Variants in SKOR2 observed in about 807,000 individuals in gnomAD.
SKOR2 encodes SKI family transcriptional corepressor 2.
A neutral mutation model predicts 69.1 loss-of-function variants in SKOR2; 47 were observed. The observed-to-expected ratio is 0.68, with a 90% CI of 0.54 to 0.87. The LOEUF is 0.87. Ranked by LOEUF, SKOR2 falls within the 40% of genes least tolerant of loss-of-function variation. The probability of loss-of-function intolerance (pLI) is 0.00; values close to 1 mark genes in which losing one functional copy is unlikely to be tolerated. For missense variants in SKOR2, 1,404 were observed against 1,472.2 expected (o/e 0.95, Z 0.76); for synonymous variants, 717 against 672.6 (o/e 1.07, Z -1.02).
chr18:47,208,512 G>A (rs1033334840), intron 8 of SKOR2, among the ~76,000 whole-genome samples: 1 of 152,198 alleles, frequency 6.6e-6, no homozygotes, highest in African/African-American at 2.4e-5. Flanking sequence ...AAAGGTGTGG[G>A]TGTTTCAACC....
At position 47,248,609 on chromosome 18, in the gene SKOR2, C is replaced by T. The variant is rs2064296311; in HGVS notation, c.575G>A (p.Arg192His). The T allele has an allele frequency of 1.9e-6, 3 of 1,545,012 alleles. No homozygotes were observed. The highest frequency in any genetic ancestry group is 1.2e-5 in the South Asian group (1 of 84,614). Residue 192 changes from arginine to histidine, a missense_variant, in exon 2 of 9, where the codon CGC becomes CAC. Physicochemically the swap from Arg to His is conservative, Grantham distance 29 (BLOSUM62 0). This residue lies in a region of SKOR2 where 1,266 missense variants were observed against 1,309.9 expected (regional missense o/e 0.97). Transcript: ENST00000425639. The surrounding 1 kb of genome is among the most constrained non-coding windows in gnomAD (Gnocchi z 6.4). The part of the protein sequence containing the change: ...SPNKFIFHSH[R>H]TPDAKYTQPD... ...CTGAGTGTACTTGGCGTCGGGCGTG[C>T]GGTGGGAGTGGAAAATGAACTTGTT...
chr18:47,232,914 G>A (rs1325476229), intron 4 of SKOR2, among the ~76,000 whole-genome samples: 1 of 152,112 alleles, frequency 6.6e-6, no homozygotes, highest in African/African-American at 2.4e-5. Flanking sequence ...CTGCAAAGAG[G>A]GAAACAGAAT....
chr18:47,216,987 G>A (rs1215881088), intron 7 of SKOR2, among the ~76,000 whole-genome samples: 1 of 152,140 alleles, frequency 6.6e-6, no homozygotes, highest in African/African-American at 2.4e-5. Flanking sequence ...ATAATCTTTA[G>A]ATAGAATTTT....
At chr18:47,231,084 C>T (rs1026148447) in intron 4 of SKOR2, 84 bp from the exon 5 acceptor site, 20 of 1,535,188 alleles carry the variant, frequency 1.3e-5, no homozygotes, top group Non-Finnish European at 1.6e-5. Context: ...TTAATATCTG[C>T]AAAACAGTTT....
intron 7 of SKOR2, among the ~76,000 whole-genome samples, chr18:47,214,179 C>G (rs2064136703): frequency 6.6e-6 from 1 of 152,164 alleles, no homozygotes; most frequent in African/African-American, 2.4e-5. Flanking sequence ...GAGGAGTAAA[C>G]TGCTCAACCT....
At chr18:47,221,161 AT>A (rs961421269) in intron 6 of SKOR2, among the ~76,000 whole-genome samples, 6 of 152,050 alleles carry the variant, frequency 3.9e-5, no homozygotes, top group South Asian at 2.1e-4. Context: ...TGTTCTTTTT[AT>A]TTTTTTCAAC....
chr18:47,217,029 G>C (rs546002574), intron 7 of SKOR2, among the ~76,000 whole-genome samples: 1 of 152,278 alleles, frequency 6.6e-6, no homozygotes, highest in South Asian at 2.1e-4. Flanking sequence ...TACTTTGACA[G>C]ATACATCAGG....
In SKOR2 at chr18:47,248,019, C is replaced by A; in HGVS notation, c.1165G>T (p.Gly389Cys). The change falls in exon 2 of 9, where the codon GGC (glycine) becomes TGC (cysteine). Residue 389 changes from glycine (G) to cysteine (C), a missense_variant. Around this residue, in one of 3 missense-constraint regions of SKOR2, gnomAD observed 1,266 missense variants for 1,309.9 expected, o/e 0.97. Transcript: ENST00000425639. This position sits in a 1 kb window ranked among gnomAD's most constrained non-coding sequence, Gnocchi z 6.4. ...TTCTGCAGGACGCCCCCGAACGAGC[C>A]CTTGCTGGGCACCGGGATGACTGGG... ...SYPVIPVPSK[G>C]SFGGVLQKFP... is the part of the protein sequence containing the mutation. 1 of 1,439,256 alleles carries A rather than the reference C, an allele frequency of 6.9e-7. No individual in the cohort carries two copies. Among genetic ancestry groups the A allele is most frequent in the Non-Finnish European group, 9.1e-7 (1 of 1,097,700 alleles). 89.2% of individuals were successfully genotyped at this position (1,439,256 alleles called of 1,614,324 possible).
intron 7 of SKOR2, among the ~76,000 whole-genome samples, chr18:47,216,755 T>A (rs1337856648): frequency 6.6e-6 from 1 of 152,180 alleles, no homozygotes; most frequent in East Asian, 1.9e-4. Context: ...TTTAATATAT[T>A]TGAATTCTCC....
intron 6 of SKOR2, among the ~76,000 whole-genome samples, chr18:47,221,122 A>G (rs568952189): frequency 1.3e-5 from 2 of 152,002 alleles, no homozygotes; most frequent in African/African-American, 4.8e-5. Context: ...CACTCATGAG[A>G]CTCTGGGTAC....
In SKOR2 at chr18:47,230,442, T is replaced by G. The variant is rs1370657156; in HGVS notation, c.2917+17A>C. ...ATCAATTATCATAAATACAATGAAATAAAAGTGATTTCTTACTGAATACTG... is the reference window on the plus strand; with the variant it reads ...ATCAATTATCATAAATACAATGAAAGAAAAGTGATTTCTTACTGAATACTG... On this transcript the variant is annotated intron_variant, in intron 6 of 8. Coordinates refer to ENST00000425639, the MANE Select transcript of SKOR2 (RefSeq NM_001278063.4). The G allele has an allele frequency of 7.5e-7, 1 of 1,335,712 alleles. No individual in the cohort carries two copies. Among genetic ancestry groups the G allele is most frequent in the African/African-American group, 1.5e-5 (1 of 66,976 alleles). The allele number at this position is 1,335,712 out of a possible 1,614,324, so 82.7% of individuals were successfully genotyped here. A position where few individuals can be genotyped will look rare whatever the true frequency, so the allele number is the denominator to read the frequency against.
chr18:47,248,157 C>G lies in SKOR2; in HGVS notation c.1027G>C (p.Gly343Arg). The stretch of plus-strand genomic sequence containing the variant: ...CCGCCCCCACCAGTCCCCGCGCCGC[C>G]CGAAGCAGCAGCCACAGAGAGGCTG... ...AASLSVAAAS[G>R]GAGTGGGGAG... The change falls in exon 2 of 9, where the codon GGC becomes CGC. Residue 343 changes from glycine to arginine, a missense_variant. Around this residue, in one of 3 missense-constraint regions of SKOR2, gnomAD observed 1,266 missense variants for 1,309.9 expected, o/e 0.97. Transcript: ENST00000425639. This position sits in a 1 kb window ranked among gnomAD's most constrained non-coding sequence, Gnocchi z 6.4. The G allele has an allele frequency of 8.0e-7, 1 of 1,255,470 alleles. No individual in the cohort carries two copies. The highest frequency in any genetic ancestry group is 9.9e-7 in the Non-Finnish European group (1 of 1,006,754). The allele number at this position is 1,255,470 out of a possible 1,614,324, so 77.8% of individuals were successfully genotyped here. A position where few individuals can be genotyped will look rare whatever the true frequency, so the allele number is the denominator to read the frequency against.
chr18:47,220,511 C>T (rs1468495370), intron 6 of SKOR2, among the ~76,000 whole-genome samples: 2 of 152,174 alleles, frequency 1.3e-5, no homozygotes, highest in Admixed American at 6.5e-5. Flanking sequence ...AGAGAGAATA[C>T]TTCGGCCTGA....
Position 47,208,877 on chromosome 18 carries a change from TAAATA to T in SKOR2, c.*4-1990_*4-1986del, listed in dbSNP as rs201586946. Among the ~76,000 whole-genome samples the T allele has an allele frequency of 6.4e-3, 975 of 152,236 alleles. 13 individuals carry two copies. The highest frequency in any genetic ancestry group is 0.022 in the African/African-American group (924 of 41,536). On this transcript the variant is annotated intron_variant, in intron 8 of 8. Transcript: ENST00000425639. ...CTTGTTTTAGGAGGTAGTTTGAAGG[TAAATA>T]AAATAAACTACACTTTAACAGCTGG...
intron 6 of SKOR2, among the ~76,000 whole-genome samples, chr18:47,228,908 C>T (rs2064187654): frequency 6.6e-6 from 1 of 152,220 alleles, no homozygotes; most frequent in Non-Finnish European, 1.5e-5. Context: ...CAGGCATTCT[C>T]TGAATTCAAA....
Position 47,206,377 on chromosome 18 carries a change from T to C in SKOR2, c.*519A>G, listed in dbSNP as rs2064113033. ...GGGGCCACATGTAAGTCTGTCCAGT[T>C]TGCTATGAAAAGCAGGTTTGTACGG... On this transcript the variant is annotated 3_prime_UTR_variant, in exon 9 of 9. Transcript: ENST00000425639. The C allele has an allele frequency of 6.6e-6, 1 of 152,192 alleles. No individual in the cohort carries two copies. Among genetic ancestry groups the C allele is most frequent in the Non-Finnish European group, 1.5e-5 (1 of 68,044 alleles). 9.4% of individuals were successfully genotyped at this position (152,192 alleles called of 1,614,324 possible).
At position 47,248,082 on chromosome 18, in the gene SKOR2, C is replaced by T. The variant is rs965977171; in HGVS notation, c.1102G>A (p.Ala368Thr). 2.9e-6 allele frequency: 4 copies of T among 1,384,380 alleles called. No homozygotes were observed. Among genetic ancestry groups the T allele is most frequent in the Non-Finnish European group, 3.7e-6 (4 of 1,071,038 alleles). 85.8% of individuals were successfully genotyped at this position (1,384,380 alleles called of 1,614,324 possible). The change falls in exon 2 of 9, where the codon GCG (alanine) becomes ACG (threonine). Residue 368 changes from alanine to threonine, a missense_variant. Physicochemically the swap from Ala to Thr is moderately conservative, Grantham distance 58. Coordinates refer to ENST00000425639, the MANE Select transcript of SKOR2 (RefSeq NM_001278063.4). This position sits in a 1 kb window ranked among gnomAD's most constrained non-coding sequence, Gnocchi z 6.4. ...AGVGVGAGAG[A>T]GAGAGAKGPR... ...CCTTTGGCCCCTGCCCCGGCACCCG[C>T]CCCCGCGCCCGCGCCCACGCCCACG...
chr18:47,243,833 T>C (rs529574607), intron 4 of SKOR2, among the ~76,000 whole-genome samples: 1 of 152,302 alleles, frequency 6.6e-6, no homozygotes, highest in African/African-American at 2.4e-5. Flanking sequence ...AAAATGATAG[T>C]ATTGTGTATT....
In SKOR2 at chr18:47,247,632, C is replaced by A; in HGVS notation, c.1552G>T (p.Gly518Cys). The change falls in exon 2 of 9, where the codon GGT becomes TGT. Residue 518 changes from glycine to cysteine, a missense_variant. Physicochemically the swap from Gly to Cys is radical, Grantham distance 159 (BLOSUM62 -3). Transcript: ENST00000425639. This position sits in a 1 kb window ranked among gnomAD's most constrained non-coding sequence, Gnocchi z 6.6. ...QAFLDLAEPG[G>C]AAGSAEAAPP... is the part of the protein sequence containing the mutation. ...GCGGCCTCGGCGCTCCCAGCAGCACCGCCTGGCTCAGCCAGGTCCAGGAAG... is the reference window on the plus strand; with the variant it reads ...GCGGCCTCGGCGCTCCCAGCAGCACAGCCTGGCTCAGCCAGGTCCAGGAAG... The A allele has an allele frequency of 1.5e-6, 2 of 1,341,256 alleles. No homozygotes were observed. The highest frequency in any genetic ancestry group is 1.9e-6 in the Non-Finnish European group (2 of 1,048,882). 83.1% of individuals were successfully genotyped at this position (1,341,256 alleles called of 1,614,324 possible).
Sources: allele counts gnomAD v4.1 joint callset (sites outside exome capture counted in the v4.1 genomes callset), GRCh38; gene constraint gnomAD v4.1.1; regional missense constraint gnomAD v4.1.1; non-coding constraint Gnocchi (gnomAD v3.1); transcripts MANE v1.5; gene names NCBI Gene and HGNC (gene_info 2026-07-23, HGNC 2026-07-21).